Variants in TXLNB observed in about 807,000 individuals in gnomAD.
TXLNB encodes the protein taxilin beta, also known as beta-taxilin.
A neutral mutation model predicts 57.4 loss-of-function variants in TXLNB; 37 were observed. The observed-to-expected ratio is 0.64, with a 90% CI of 0.50 to 0.85. The LOEUF (loss-of-function observed/expected upper bound fraction) is 0.85, where lower values mean the gene tolerates loss of function less well. TXLNB is among the 40% of genes least tolerant of loss of function. TXLNB has a pLI of 0.00. For synonymous variants in TXLNB, 302 were observed against 309.6 expected, an observed-to-expected ratio of 0.98 and a Z score of 0.26; for missense variants, 848 against 825.6, an observed-to-expected ratio of 1.03 and a Z score of -0.33.
chr6:139,203,132 T>A, the TXLNB span, among the ~76,000 whole-genome samples: 1 of 152,200 alleles, frequency 6.6e-6, no homozygotes, highest in Admixed American at 6.5e-5. Context: ...TTCCATGTAT[T>A]GTCTATTATG....
chr6:139,248,028 C>G (rs1776108121), intron 7 of TXLNB, 119 bp from the exon 8 acceptor site: 1 of 538,828 alleles, frequency 1.9e-6, no homozygotes, highest in Non-Finnish European at 3.1e-6. Context: ...ATTTTATTTA[C>G]TACAAGATTA....
At chr6:139,278,271 T>G (rs530538581) in intron 2 of TXLNB, among the ~76,000 whole-genome samples, 1 of 152,344 alleles carries the variant, frequency 6.6e-6, no homozygotes, top group African/African-American at 2.4e-5. Context: ...TCATGTGGAA[T>G]TCTGATGCTA....
At chr6:139,204,663 A>T in the TXLNB span, among the ~76,000 whole-genome samples, 1 of 152,252 alleles carries the variant, frequency 6.6e-6, no homozygotes, top group East Asian at 1.9e-4. Flanking sequence ...GATGGGAGGG[A>T]TGAAGCCTAA....
the TXLNB span, among the ~76,000 whole-genome samples, chr6:139,184,679 G>T: frequency 1.3e-5 from 2 of 152,292 alleles, no homozygotes; most frequent in South Asian, 2.1e-4. Flanking sequence ...CAAGCTGTCG[G>T]ATTTGATAGC....
chr6:139,258,531 A>G (rs1011963553), intron 6 of TXLNB, among the ~76,000 whole-genome samples: 1 of 152,248 alleles, frequency 6.6e-6, no homozygotes, highest in African/African-American at 2.4e-5. Flanking sequence ...CTGATTTGAA[A>G]TTATCCAATG....
intron 2 of TXLNB, among the ~76,000 whole-genome samples, chr6:139,278,780 C>A (rs138846957): frequency 6.6e-6 from 1 of 152,124 alleles, no homozygotes; most frequent in Non-Finnish European, 1.5e-5. Flanking sequence ...CTAAGGCGGG[C>A]GGATCACGAG....
chr6:139,188,778 G>A, the TXLNB span, among the ~76,000 whole-genome samples: 9 of 149,722 alleles, frequency 6.0e-5, no homozygotes, highest in African/African-American at 1.5e-4. Context: ...TTTTTGAGAC[G>A]AAGTCTTGCT....
chr6:139,238,198 A>G (rs527876652), downstream of TXLNB, among the ~76,000 whole-genome samples: 5 of 152,280 alleles, frequency 3.3e-5, no homozygotes, highest in African/African-American at 1.2e-4. Context: ...GTTTGAGACC[A>G]GTCTGGCCAA....
At chr6:139,323,375 C>G in the TXLNB span, among the ~76,000 whole-genome samples, 1 of 151,748 alleles carries the variant, frequency 6.6e-6, no homozygotes, top group Non-Finnish European at 1.5e-5. Flanking sequence ...CTCCGCCTCC[C>G]GAGTTCAAGC....
intron 4 of TXLNB, among the ~76,000 whole-genome samples, chr6:139,266,832 C>A: frequency 6.6e-6 from 1 of 151,540 alleles, no homozygotes; most frequent in East Asian, 1.9e-4. Context: ...AACGAAAGAT[C>A]AATACAAAGA....
chr6:139,221,103 A>G, the TXLNB span, among the ~76,000 whole-genome samples: 1 of 152,232 alleles, frequency 6.6e-6, no homozygotes, highest in Non-Finnish European at 1.5e-5. Context: ...AAGCAAAAAG[A>G]GAAATGAAGT....
chr6:139,300,827 G>A, the TXLNB span, among the ~76,000 whole-genome samples: 5 of 152,260 alleles, frequency 3.3e-5, no homozygotes, highest in East Asian at 1.9e-4. Context: ...TCAGGGAGGC[G>A]GAGGTTGCAG....
the TXLNB span, among the ~76,000 whole-genome samples, chr6:139,200,272 G>C: frequency 6.6e-6 from 1 of 151,872 alleles, no homozygotes; most frequent in Non-Finnish European, 1.5e-5. Flanking sequence ...TCTCTCACAG[G>C]CATCTCCCCT....
At chr6:139,267,540 A>G (rs1336534488) in intron 4 of TXLNB, among the ~76,000 whole-genome samples, 1 of 152,210 alleles carries the variant, frequency 6.6e-6, no homozygotes, top group African/African-American at 2.4e-5. Context: ...AAATATTCAA[A>G]TAATCCAAAG....
At chr6:139,232,959 C>T in the TXLNB span, among the ~76,000 whole-genome samples, 207 of 152,228 alleles carry the variant, frequency 1.4e-3, 1 homozygote, top group African/African-American at 4.6e-3. Flanking sequence ...TCTTTAAGTA[C>T]AATGTGTGGA....
At chr6:139,267,676 G>A (rs751269850) in intron 4 of TXLNB, among the ~76,000 whole-genome samples, 17 of 152,134 alleles carry the variant, frequency 1.1e-4, no homozygotes, top group Non-Finnish European at 2.2e-4. Context: ...TGCAATTAAA[G>A]GGCAGATACT....
chr6:139,208,049 C>G, the TXLNB span, among the ~76,000 whole-genome samples: 1 of 151,798 alleles, frequency 6.6e-6, no homozygotes, highest in Non-Finnish European at 1.5e-5. Flanking sequence ...GCACTCCAGC[C>G]TGGATGACAG....
At chr6:139,301,666 C>A in the TXLNB span, among the ~76,000 whole-genome samples, 1 of 152,168 alleles carries the variant, frequency 6.6e-6, no homozygotes, top group Non-Finnish European at 1.5e-5. Context: ...TACTCTAGTG[C>A]CCCACACAGA....
the TXLNB span, among the ~76,000 whole-genome samples, chr6:139,311,156 T>A: frequency 6.6e-6 from 1 of 152,230 alleles, no homozygotes. Context: ...GGCCAGCCTA[T>A]ACCCTCTCTG....
Sources: gnomAD v4.1 joint callset for allele counts (sites outside exome capture counted in the v4.1 genomes callset) on GRCh38, gnomAD v4.1.1 for gene constraint, MANE v1.5 for transcripts, NCBI Gene and HGNC (gene_info 2026-07-23, HGNC 2026-07-21) for gene names.